The following TFEC variants were observed in gnomAD, a reference collection of about 807,000 sequenced individuals.
The protein encoded by TFEC is class E basic helix-loop-helix protein 34.
Under a neutral mutation model 41.6 loss-of-function variants are expected in TFEC, and 31 were observed. That is an observed-to-expected ratio of 0.74 (90% CI 0.56 to 1.01). TFEC has a LOEUF of 1.01. TFEC is among the 50% of genes least tolerant of loss of function. The pLI, the probability that TFEC is intolerant of heterozygous loss-of-function variation, is 0.00. For synonymous variants in TFEC, 143 were observed against 140.6 expected (o/e 1.02, Z -0.12); for missense variants, 402 against 404.1 (o/e 0.99, Z 0.04).
At chr7:115,971,026 T>G (rs1446221972) in intron 3 of TFEC, among the ~76,000 whole-genome samples, 1 of 152,044 alleles carries the variant, frequency 6.6e-6, no homozygotes, top group East Asian at 1.9e-4. Flanking sequence ...GTAAATATTC[T>G]CATTTTTGAA....
chr7:115,986,569 G>GTT (rs1247617269), intron 1 of TFEC, among the ~76,000 whole-genome samples: 2 of 152,104 alleles, frequency 1.3e-5, no homozygotes, highest in Non-Finnish European at 2.9e-5. Context: ...TTTTAAGTCA[G>GTT]CTGTTGGAAG....
intron 3 of TFEC, among the ~76,000 whole-genome samples, chr7:116,093,345 T>A (rs527486815): frequency 6.6e-6 from 1 of 152,012 alleles, no homozygotes; most frequent in Non-Finnish European, 1.5e-5. Context: ...GGCACACATA[T>A]GAGAAAGAAG....
chr7:115,986,210 AATG>A (rs1480444171), intron 1 of TFEC, among the ~76,000 whole-genome samples: 1 of 152,100 alleles, frequency 6.6e-6, no homozygotes, highest in East Asian at 1.9e-4. Context: ...CAACAACAAC[AATG>A]ATAATAATAT....
At chr7:116,029,687 GTATA>G (rs934026414) in intron 1 of TFEC, among the ~76,000 whole-genome samples, 1 of 151,656 alleles carries the variant, frequency 6.6e-6, no homozygotes, top group Non-Finnish European at 1.5e-5. Context: ...ATAAGCAAAT[GTATA>G]TATACAGCAT....
chr7:116,046,363 T>G (rs73220428), intron 3 of TFEC, among the ~76,000 whole-genome samples: 29,107 of 152,094 alleles, frequency 0.19, 2,820 homozygotes, highest in East Asian at 0.32. Context: ...ACGGTTTTCC[T>G]GTGCTATTCT....
chr7:116,040,227 C>T (rs1796003597), intron 3 of TFEC, among the ~76,000 whole-genome samples: 1 of 152,038 alleles, frequency 6.6e-6, no homozygotes, highest in Admixed American at 6.6e-5. Flanking sequence ...GTCACCAAAT[C>T]CCAAGAAAAT....
chr7:116,001,497 G>T (rs1202179487), intron 1 of TFEC, among the ~76,000 whole-genome samples: 2 of 127,462 alleles, frequency 1.6e-5, no homozygotes, highest in Non-Finnish European at 3.4e-5. Flanking sequence ...TCAGTCTCAG[G>T]AAAAAAAAAA....
At chr7:115,989,182 A>C (rs1793991046) in intron 1 of TFEC, among the ~76,000 whole-genome samples, 3 of 152,244 alleles carry the variant, frequency 2.0e-5, no homozygotes. Flanking sequence ...AGAGCATCAG[A>C]AACAGAATAA....
intron 1 of TFEC, among the ~76,000 whole-genome samples, chr7:116,144,326 C>A (rs1584568379): frequency 6.6e-6 from 1 of 152,044 alleles, no homozygotes; most frequent in Admixed American, 6.5e-5. Flanking sequence ...AAGGCATAAC[C>A]CAAAGGTTAC....
chr7:116,096,746 C>T (rs1036698855), intron 3 of TFEC, among the ~76,000 whole-genome samples: 7 of 152,060 alleles, frequency 4.6e-5, no homozygotes. Flanking sequence ...TATTACAATG[C>T]CTTCTGATGT....
chr7:116,064,558 C>T (rs1796648753), intron 3 of TFEC, among the ~76,000 whole-genome samples: 1 of 151,720 alleles, frequency 6.6e-6, no homozygotes, highest in African/African-American at 2.4e-5. Flanking sequence ...GGGTGGAGGG[C>T]AAGGGGAAGG....
intron 3 of TFEC, among the ~76,000 whole-genome samples, chr7:115,973,830 T>G (rs138807944): frequency 8.5e-5 from 13 of 152,146 alleles, no homozygotes; most frequent in Non-Finnish European, 1.0e-4. Flanking sequence ...CAAAATTTAG[T>G]CATGACCTTT....
intron 6 of TFEC, among the ~76,000 whole-genome samples, chr7:115,946,695 C>CT (rs1373779737): frequency 1.1e-5 from 1 of 94,350 alleles, no homozygotes; most frequent in Non-Finnish European, 2.3e-5. Context: ...TTTCTTTTCT[C>CT]TTCTTTTCTT....
intron 1 of TFEC, among the ~76,000 whole-genome samples, chr7:116,009,061 G>A (rs187701674): frequency 1.3e-5 from 2 of 152,118 alleles, no homozygotes; most frequent in Non-Finnish European, 1.5e-5. Flanking sequence ...TCTTGCACTT[G>A]ACGAACACTT....
At chr7:116,147,825 A>C (rs2116441470) in intron 1 of TFEC, among the ~76,000 whole-genome samples, 1 of 152,294 alleles carries the variant, frequency 6.6e-6, no homozygotes, top group East Asian at 1.9e-4. Flanking sequence ...CATTTAACAA[A>C]AATATATTAT....
chr7:116,088,590 T>A (rs1797253597), intron 3 of TFEC, among the ~76,000 whole-genome samples: 1 of 152,044 alleles, frequency 6.6e-6, no homozygotes, highest in Non-Finnish European at 1.5e-5. Context: ...GATAAGAAGG[T>A]TTTTTAAATC....
At position 115,942,057 on chromosome 7, in the gene TFEC, T is replaced by C. The variant is rs146990812; in HGVS notation, c.516-17A>G. Reference sequence around the variant, plus strand: ...CGCATATCACTGTAGAATGGAGAGATAACCTTTTCACAATTGTGCATGTCA... The same window carrying C: ...CGCATATCACTGTAGAATGGAGAGACAACCTTTTCACAATTGTGCATGTCA... On this transcript the variant is annotated splice_polypyrimidine_tract_variant and intron_variant, in intron 6 of 7. Transcript: ENST00000265440. 4 of 1,596,558 alleles carry C rather than the reference T, an allele frequency of 2.5e-6. No individual in the cohort carries two copies. Among genetic ancestry groups the C allele is most frequent in the Non-Finnish European group, 3.4e-6 (4 of 1,170,964 alleles).
At chr7:115,963,129 G>A (rs1792655988) in intron 3 of TFEC, among the ~76,000 whole-genome samples, 1 of 151,528 alleles carries the variant, frequency 6.6e-6, no homozygotes, top group African/African-American at 2.4e-5. Flanking sequence ...GTGATAGTTT[G>A]CTTAGAATGA....
chr7:116,019,115 T>G (rs1795301375), intron 1 of TFEC, among the ~76,000 whole-genome samples: 1 of 151,914 alleles, frequency 6.6e-6, no homozygotes, highest in Non-Finnish European at 1.5e-5. Flanking sequence ...AAAGAGAATG[T>G]ATAGAGAGAG....
Sources: allele counts gnomAD v4.1 joint callset (sites outside exome capture counted in the v4.1 genomes callset), GRCh38; gene constraint gnomAD v4.1.1; transcripts MANE v1.5; gene names NCBI Gene and HGNC (gene_info 2026-07-23, HGNC 2026-07-21).